HIVEP2: variants seen among roughly 807,000 people sequenced by gnomAD.
HIVEP2 encodes transcription factor HIVEP2.
HIVEP2 carries 14 observed loss-of-function variants against 180.7 expected under a neutral mutation model. That is an observed-to-expected ratio of 0.08 (90% CI 0.05 to 0.12). HIVEP2 has a LOEUF of 0.12. Ranked by LOEUF, HIVEP2 falls within the 10% of genes least tolerant of loss-of-function variation. The pLI is 1.00. For synonymous variants in HIVEP2, 1,184 were observed against 1,136.4 expected, an observed-to-expected ratio of 1.04 and a Z score of -0.84; for missense variants, 2,579 against 3,008.5, an observed-to-expected ratio of 0.86 and a Z score of 3.34.
intron 1 of HIVEP2, among the ~76,000 whole-genome samples, chr6:142,929,042 C>A (rs1029863413): frequency 6.6e-6 from 1 of 152,130 alleles, no homozygotes; most frequent in South Asian, 2.1e-4. Flanking sequence ...GATCTTACAC[C>A]AACTTTTTTT....
rs762560299 is a variant in HIVEP2 at position 142,772,518 on chromosome 6, C to T, written c.2221G>A (p.Gly741Arg). The change falls in exon 5 of 10, where the codon GGA (glycine) becomes AGA (arginine). Residue 741 changes from glycine to arginine, a missense_variant. By Grantham distance (125) the Gly-to-Arg change is moderately radical. Around this residue, in one of 11 missense-constraint regions of HIVEP2, gnomAD observed 524 missense variants for 563.6 expected, o/e 0.93. Coordinates refer to ENST00000367603, the MANE Select transcript of HIVEP2 (RefSeq NM_006734.4). The surrounding 1 kb of genome is among the most constrained non-coding windows in gnomAD (Gnocchi z 4.9). Reference protein sequence around the residue: ...KLQMQEGVRSGFAMAGHENLS... With the variant: ...KLQMQEGVRSRFAMAGHENLS... ...TTTTCGTGTCCAGCCATGGCAAATC[C>T]ACTCCTGACTCCTTCCTGCATCTGC... The T allele has an allele frequency of 3.1e-6, 5 of 1,614,028 alleles. No homozygotes were observed. In the East Asian group the frequency reaches 1.1e-4, roughly 36 times the overall value.
chr6:142,758,046 C>T (rs972673385), intron 9 of HIVEP2, among the ~76,000 whole-genome samples: 5 of 152,196 alleles, frequency 3.3e-5, no homozygotes, highest in African/African-American at 1.2e-4. Flanking sequence ...GCCAGCATCA[C>T]TGCGTGTATA....
chr6:142,922,467 T>A (rs1212717637), intron 1 of HIVEP2, among the ~76,000 whole-genome samples: 1 of 152,192 alleles, frequency 6.6e-6, no homozygotes, highest in East Asian at 1.9e-4. Context: ...TCTAAAATTT[T>A]AAAATAGTAA....
chr6:142,937,720 G>T (rs138898528), intron 1 of HIVEP2, among the ~76,000 whole-genome samples: 2 of 152,110 alleles, frequency 1.3e-5, no homozygotes, highest in Admixed American at 6.5e-5. Context: ...AAGCATTTTC[G>T]GAGCCAAAGA....
At position 142,818,733 on chromosome 6, in the gene HIVEP2, A is replaced by AAAGAAGGAAAGAAAG. The variant is rs1462347393; in HGVS notation, c.-528+18201_-528+18202insCTTTCTTTCCTTCTT. On this transcript the variant is annotated intron_variant, in intron 2 of 9. Coordinates refer to ENST00000367603, the MANE Select transcript of HIVEP2 (RefSeq NM_006734.4). The stretch of plus-strand genomic sequence containing the variant: ...AAAGAAAGAAAGAAAAGAAAGAAAG[A>AAAGAAGGAAAGAAAG]AAAGAAAGAAAGAAAGAAAGAAAGA... Among the ~76,000 whole-genome samples the AAAGAAGGAAAGAAAG allele has an allele frequency of 5.0e-4, 21 of 41,790 alleles. 1 individual carries two copies. Among genetic ancestry groups the AAAGAAGGAAAGAAAG allele is most frequent in the African/African-American group, 2.1e-3 (21 of 9,890 alleles). 27.4% of individuals were successfully genotyped at this position (41,790 alleles called of 152,430 possible). A position where few individuals can be genotyped will look rare whatever the true frequency, so the allele number is the denominator to read the frequency against.
At chr6:142,793,622 C>CCCTT (rs1776193782) in intron 2 of HIVEP2, among the ~76,000 whole-genome samples, 1 of 50,296 alleles carries the variant, frequency 2.0e-5, no homozygotes, top group African/African-American at 7.0e-5. Context: ...ATCCTTCCTT[C>CCCTT]TCTTTCTTTC....
chr6:142,841,870 C>T (rs1245004851), intron 1 of HIVEP2, among the ~76,000 whole-genome samples: 2 of 152,138 alleles, frequency 1.3e-5, no homozygotes, highest in African/African-American at 2.4e-5. Context: ...GGAAATACTT[C>T]ATTCTTCATG....
Position 142,943,549 on chromosome 6 carries a change from C to T in HIVEP2, c.-641+1550G>A, listed in dbSNP as rs988295684. ...TGTATTGAGGAGAAAAATCAATAGC[C>T]CTTGACTAGGGCTCTGGGTATGCTA... On this transcript the variant is annotated intron_variant, in intron 1 of 9. Transcript: ENST00000367603. The surrounding 1 kb of genome is among the most constrained non-coding windows in gnomAD (Gnocchi z 4.5). 1.3e-5 allele frequency among the ~76,000 whole-genome samples: 2 copies of T among 151,998 alleles called. No homozygotes were observed. Among genetic ancestry groups the T allele is most frequent in the African/African-American group, 4.8e-5 (2 of 41,342 alleles).
chr6:142,848,215 A>G (rs1435558373), intron 1 of HIVEP2, among the ~76,000 whole-genome samples: 2 of 152,232 alleles, frequency 1.3e-5, no homozygotes, highest in Non-Finnish European at 2.9e-5. Context: ...GGATTTAGAG[A>G]TAACTTAAAG....
At position 142,847,431 on chromosome 6, in the gene HIVEP2, A is replaced by G. The variant is rs935487569; in HGVS notation, c.-640-10384T>C. On this transcript the variant is annotated intron_variant, in intron 1 of 9. Coordinates refer to ENST00000367603, the MANE Select transcript of HIVEP2 (RefSeq NM_006734.4). ...TGAAGCCATGAAATGTTAGAAAAAA[A>G]AAAGACGAAAAAGAGTTTAAGAGTT... Among the ~76,000 whole-genome samples the G allele has an allele frequency of 9.2e-5, 14 of 152,216 alleles. No homozygotes were observed. The East Asian group carries it at 2.7e-3, about 29-fold the overall frequency.
rs926877595 is a variant in HIVEP2, at chr6:142,943,579, AAC to A, written c.-641+1518_-641+1519del. 1.3e-5 allele frequency among the ~76,000 whole-genome samples: 2 copies of A among 152,290 alleles called. No homozygotes were observed. Among genetic ancestry groups the A allele is most frequent in the South Asian group, 2.1e-4 (1 of 4,822 alleles). ...ACTAGGGCTCTGGGTATGCTAGAAA[AAC>A]ACAGATCTCTTGTGAATTATTGAGG... On this transcript the variant is annotated intron_variant, in intron 1 of 9. Coordinates refer to ENST00000367603, the MANE Select transcript of HIVEP2 (RefSeq NM_006734.4). The surrounding 1 kb of genome is among the most constrained non-coding windows in gnomAD (Gnocchi z 4.5).
chr6:142,851,582 G>A (rs1403867745), intron 1 of HIVEP2, among the ~76,000 whole-genome samples: 1 of 152,232 alleles, frequency 6.6e-6, no homozygotes, highest in East Asian at 1.9e-4. Flanking sequence ...TTGAGGCCCC[G>A]AAAGGCTCAG....
intron 2 of HIVEP2, among the ~76,000 whole-genome samples, chr6:142,787,801 T>C (rs1776042344): frequency 6.6e-6 from 1 of 152,020 alleles, no homozygotes; most frequent in Non-Finnish European, 1.5e-5. Context: ...AAAGAAAACA[T>C]ATTAAAGGGA....
intron 1 of HIVEP2, among the ~76,000 whole-genome samples, chr6:142,890,024 A>G (rs1582944416): frequency 1.3e-5 from 2 of 152,332 alleles, no homozygotes; most frequent in African/African-American, 4.8e-5. Context: ...TTAAGTGTCT[A>G]TCATTTCCCC....
At chr6:142,849,731 C>T (rs546934414) in intron 1 of HIVEP2, among the ~76,000 whole-genome samples, 3 of 152,172 alleles carry the variant, frequency 2.0e-5, no homozygotes, top group African/African-American at 7.2e-5. Context: ...GTTGCCCAGG[C>T]TGGTCTCAAA....
intron 2 of HIVEP2, among the ~76,000 whole-genome samples, chr6:142,816,676 T>C (rs149867422): frequency 1.2e-4 from 19 of 152,302 alleles, no homozygotes; most frequent in Middle Eastern, 6.8e-3. Flanking sequence ...CATTGTCCTC[T>C]TCCAAGCCTC....
chr6:142,795,392 A>G (rs1776256764), intron 2 of HIVEP2, among the ~76,000 whole-genome samples: 1 of 152,170 alleles, frequency 6.6e-6, no homozygotes, highest in Non-Finnish European at 1.5e-5. Context: ...ATTCTTCATT[A>G]GCACAGATTT....
At chr6:142,804,794 G>A (rs1776505328) in intron 2 of HIVEP2, among the ~76,000 whole-genome samples, 2 of 151,560 alleles carry the variant, frequency 1.3e-5, no homozygotes, top group African/African-American at 4.8e-5. Context: ...AACAAAATAA[G>A]GCAGCCTAAT....
At chr6:142,860,221 CA>C (rs1775940128) in intron 1 of HIVEP2, among the ~76,000 whole-genome samples, 1 of 152,048 alleles carries the variant, frequency 6.6e-6, no homozygotes, top group South Asian at 2.1e-4. Flanking sequence ...AAGAAGAACC[CA>C]GGTGATAAAA....
Sources: gnomAD v4.1 joint callset for allele counts (sites outside exome capture counted in the v4.1 genomes callset) on GRCh38, gnomAD v4.1.1 for gene constraint, gnomAD v4.1.1 regional missense constraint, Gnocchi (gnomAD v3.1) non-coding constraint, MANE v1.5 for transcripts, NCBI Gene and HGNC (gene_info 2026-07-23, HGNC 2026-07-21) for gene names.